MLXIP: variants seen among roughly 807,000 people sequenced by gnomAD.
MLXIP encodes the protein MLX interacting protein, also known as MLX-interacting protein.
MLXIP carries 30 observed loss-of-function variants against 87.2 expected under a neutral mutation model. The observed-to-expected ratio is 0.34, with a 90% confidence interval of 0.26 to 0.47. The LOEUF (loss-of-function observed/expected upper bound fraction) is 0.47. MLXIP is among the 20% of genes least tolerant of loss of function. The probability of loss-of-function intolerance (pLI) is 1.00; values close to 1 mark genes in which losing one functional copy is unlikely to be tolerated. For synonymous variants in MLXIP, 530 were observed against 514.0 expected (o/e 1.03, Z -0.42); for missense variants, 1,002 against 1,240.1 (o/e 0.81, Z 2.88).
chr12:122,135,920 C>A lies in MLXIP; in HGVS notation c.2032+254C>A. The A allele has an allele frequency of 2.2e-6, 1 of 455,956 alleles. No homozygotes were observed. Among genetic ancestry groups the A allele is most frequent in the Non-Finnish European group, 3.9e-6 (1 of 259,350 alleles). The allele number at this position is 455,956 out of a possible 1,614,324, so 28.2% of individuals were successfully genotyped here. On this transcript the variant is annotated intron_variant, in intron 11 of 16. Coordinates refer to ENST00000319080, the MANE Select transcript of MLXIP (RefSeq NM_014938.6). This position sits in a 1 kb window ranked among gnomAD's most constrained non-coding sequence, Gnocchi z 5.3. ...AGGTGACCCGTGTGCTCGGGGAGTC[C>A]CTGCTGACTGCCCACGAAGGCCTGG...
chr12:122,084,005 G>C (rs1952129019), intron 1 of MLXIP, among the ~76,000 whole-genome samples: 1 of 152,178 alleles, frequency 6.6e-6, no homozygotes, highest in Non-Finnish European at 1.5e-5. Context: ...AGCCGGGGCT[G>C]CAGAGATGAA....
In MLXIP at chr12:122,135,582, C is replaced by T; in HGVS notation, c.1948C>T (p.Pro650Ser). ...SPPAPVSRLF[P>S]STAQDPLGKG... ...GCCTGCCCCCGTCTCCCGGCTCTTC[C>T]CAAGCACAGCGCAAGACCCCCTGGG... The change falls in exon 11 of 17, where the codon CCA becomes TCA. Residue 650 changes from proline to serine, a missense_variant. Pro to Ser is a moderately conservative substitution (Grantham distance 74, BLOSUM62 -1). Coordinates refer to ENST00000319080, the MANE Select transcript of MLXIP (RefSeq NM_014938.6). The surrounding 1 kb of genome is among the most constrained non-coding windows in gnomAD (Gnocchi z 5.3). The T allele has an allele frequency of 1.3e-6, 2 of 1,594,250 alleles. No homozygotes were observed. Among genetic ancestry groups the T allele is most frequent in the Non-Finnish European group, 8.5e-7 (1 of 1,171,306 alleles).
Position 122,079,030 on chromosome 12 carries a change from G to C in MLXIP, c.177G>C (p.Pro59=). Residue 59 remains proline, a synonymous_variant, in exon 1 of 17, where the codon CCG becomes CCC. Transcript: ENST00000319080. ...GGGCCCACGCGAGCGCCGCGCCACC[G>C]CCGCCTCGGGCCGGGCCGGGCCGCG... ...PARAHASAAP[P]PPRAGPGREE... 1 of 1,347,948 alleles carries C rather than the reference G, an allele frequency of 7.4e-7. No homozygotes were observed. Among genetic ancestry groups the C allele is most frequent in the Non-Finnish European group, 9.5e-7 (1 of 1,049,108 alleles). 83.5% of individuals were successfully genotyped at this position (1,347,948 alleles called of 1,614,324 possible).
At position 122,135,696 on chromosome 12, in the gene MLXIP, G is replaced by T. The variant is rs757099890; in HGVS notation, c.2032+30G>T. Reference sequence around the variant, plus strand: ...GTGTTCACTCGGCGGGATGGTTGGGGCATCGCAAGGGAAGTAACTGGGCCT... The same window carrying T: ...GTGTTCACTCGGCGGGATGGTTGGGTCATCGCAAGGGAAGTAACTGGGCCT... On this transcript the variant is annotated intron_variant, in intron 11 of 16. Coordinates refer to ENST00000319080, the MANE Select transcript of MLXIP (RefSeq NM_014938.6). The surrounding 1 kb of genome is among the most constrained non-coding windows in gnomAD (Gnocchi z 5.3). The T allele has an allele frequency of 5.3e-5, 77 of 1,460,926 alleles. No homozygotes were observed. The highest frequency in any genetic ancestry group is 3.2e-4 in the South Asian group (22 of 69,706). 90.5% of individuals were successfully genotyped at this position (1,460,926 alleles called of 1,614,324 possible).
intron 1 of MLXIP, among the ~76,000 whole-genome samples, chr12:122,115,869 A>G (rs1368376633): frequency 6.6e-6 from 1 of 152,164 alleles, no homozygotes; most frequent in African/African-American, 2.4e-5. Flanking sequence ...CCTGGCCAAC[A>G]TGGCAAAACC....
chr12:122,090,905 A>T (rs915025583), intron 1 of MLXIP, among the ~76,000 whole-genome samples: 8 of 152,240 alleles, frequency 5.3e-5, no homozygotes, highest in African/African-American at 1.9e-4. Flanking sequence ...AAAGGCCTAG[A>T]GTAGCAAACT....
chr12:122,116,053 A>AACACACACACACACAC lies in MLXIP; in HGVS notation c.414-11183_414-11168dup, dbSNP rs138548664. 4.2e-3 allele frequency among the ~76,000 whole-genome samples: 619 copies of AACACACACACACACAC among 147,308 alleles called. 8 individuals are homozygous for AACACACACACACACAC. Among genetic ancestry groups the AACACACACACACACAC allele is most frequent in the African/African-American group, 0.015 (578 of 39,428 alleles). On this transcript the variant is annotated intron_variant, in intron 1 of 16. Transcript: ENST00000319080. ...GTGACAGAGCGAGACTCCATCTGAA[A>AACACACACACACACAC]ACACACACACACACACACACACACA...
rs1953012920 is a variant in MLXIP at position 122,133,289 on chromosome 12, G to A, written c.1093-59G>A. Reference sequence around the variant, plus strand: ...GTAGTTGGACTTGGCAGTGTGCAGCGCTAGAAAGGAATTGTCTGACCCCAG... The same window carrying A: ...GTAGTTGGACTTGGCAGTGTGCAGCACTAGAAAGGAATTGTCTGACCCCAG... On this transcript the variant is annotated intron_variant, in intron 8 of 16. Coordinates refer to ENST00000319080, the MANE Select transcript of MLXIP (RefSeq NM_014938.6). This position sits in a 1 kb window ranked among gnomAD's most constrained non-coding sequence, Gnocchi z 4.9. 4.0e-6 allele frequency: 6 copies of A among 1,508,720 alleles called. No individual in the cohort carries two copies. Among genetic ancestry groups the A allele is most frequent in the South Asian group, 2.6e-5 (2 of 76,166 alleles). 93.5% of individuals were successfully genotyped at this position (1,508,720 alleles called of 1,614,324 possible). A position where few individuals can be genotyped will look rare whatever the true frequency, so the allele number is the denominator to read the frequency against.
At chr12:122,139,505 GC>G (rs1013530246) in intron 15 of MLXIP, among the ~76,000 whole-genome samples, 2 of 152,188 alleles carry the variant, frequency 1.3e-5, no homozygotes, top group African/African-American at 4.8e-5. Context: ...CCACCGCTCT[GC>G]CTCTGAGTAA....
rs1256468400 is a variant in MLXIP, at chr12:122,127,923, A to G, written c.561A>G (p.Thr187=). The change falls in exon 3 of 17, where the codon ACA becomes ACG. Residue 187 remains threonine, a synonymous_variant. Coordinates refer to ENST00000319080, the MANE Select transcript of MLXIP (RefSeq NM_014938.6). ...KRKNPVCHFV[T]PLDGSVDVDE... ...AGAATCCTGTGTGCCACTTTGTGACACCCCTGGACGGCTCTGTGGACGTAG... is the reference window on the plus strand; with the variant it reads ...AGAATCCTGTGTGCCACTTTGTGACGCCCCTGGACGGCTCTGTGGACGTAG... 1.2e-6 allele frequency: 2 copies of G among 1,613,430 alleles called. No homozygotes were observed. The highest frequency in any genetic ancestry group is 1.7e-6 in the Non-Finnish European group (2 of 1,179,770).
chr12:122,079,009 C>A lies in MLXIP; in HGVS notation c.156C>A (p.Ala52=). 1.6e-6 allele frequency: 2 copies of A among 1,233,474 alleles called. No individual in the cohort carries two copies. The highest frequency in any genetic ancestry group is 2.0e-6 in the Non-Finnish European group (2 of 985,844). The allele number at this position is 1,233,474 out of a possible 1,614,324, so 76.4% of individuals were successfully genotyped here. The stretch of plus-strand genomic sequence containing the variant: ...CCGGCGCGGCCACCCCGGCCCGGGC[C>A]CACGCGAGCGCCGCGCCACCGCCGC... ...PASGAATPAR[A]HASAAPPPPR... is the part of the protein sequence containing the mutation. The change falls in exon 1 of 17, where the codon GCC becomes GCA. Residue 52 remains alanine (A), a synonymous_variant. Coordinates refer to ENST00000319080, the MANE Select transcript of MLXIP (RefSeq NM_014938.6).
At chr12:122,088,357 T>C (rs984912418) in intron 1 of MLXIP, among the ~76,000 whole-genome samples, 1 of 152,126 alleles carries the variant, frequency 6.6e-6, no homozygotes, top group African/African-American at 2.4e-5. Context: ...GCATTGTTGA[T>C]GTATTTGGGA....
At chr12:122,125,201 G>A (rs1227118673) in intron 1 of MLXIP, among the ~76,000 whole-genome samples, 1 of 151,364 alleles carries the variant, frequency 6.6e-6, no homozygotes, top group African/African-American at 2.4e-5. Flanking sequence ...ATGTGGTGGT[G>A]GGCACCTGTA....
chr12:122,135,297 C>T lies in MLXIP; in HGVS notation c.1806C>T (p.Ser602=), dbSNP rs1648598951. Residue 602 remains serine (S), a synonymous_variant, in exon 10 of 17, where the codon TCC becomes TCT. Transcript: ENST00000319080. This position sits in a 1 kb window ranked among gnomAD's most constrained non-coding sequence, Gnocchi z 5.3. ...TGAAGAGAGAAGGGATGTTGGCCTC[C>T]ACCGTGTCCCAGTCCAACGTGGTCA... is the stretch of plus-strand genomic sequence containing the variant. ...GPLKREGMLA[S]TVSQSNVVIA... 6 of 1,613,714 alleles carry T rather than the reference C, an allele frequency of 3.7e-6. No individual in the cohort carries two copies. Among genetic ancestry groups the T allele is most frequent in the Middle Eastern group, 3.3e-4 (2 of 6,062 alleles).
intron 1 of MLXIP, among the ~76,000 whole-genome samples, chr12:122,085,786 C>T (rs1424719192): frequency 2.0e-5 from 3 of 152,036 alleles, no homozygotes; most frequent in Non-Finnish European, 4.4e-5. Flanking sequence ...GGATGGTGTT[C>T]GTATCGTGGC....
In MLXIP at chr12:122,143,854, G is replaced by A. The variant is rs1464084988; in HGVS notation, c.*2042G>A. 1.3e-5 allele frequency: 2 copies of A among 152,484 alleles called. No homozygotes were observed. The highest frequency in any genetic ancestry group is 4.8e-5 in the African/African-American group (2 of 41,440). 9.4% of individuals were successfully genotyped at this position (152,484 alleles called of 1,614,324 possible). On this transcript the variant is annotated 3_prime_UTR_variant, in exon 17 of 17. Transcript: ENST00000319080. ...TCTGCTGACTTAATGTCGTGATTCT[G>A]TTTCTTCAGATATTTAAGGCTGTTA...
chr12:122,088,556 A>G (rs1346402934), intron 1 of MLXIP, among the ~76,000 whole-genome samples: 1 of 152,196 alleles, frequency 6.6e-6, no homozygotes, highest in Non-Finnish European at 1.5e-5. Context: ...GAGGAGTCAG[A>G]AAAAGCTCCT....
chr12:122,096,879 G>T (rs890146089), intron 1 of MLXIP, among the ~76,000 whole-genome samples: 1 of 152,230 alleles, frequency 6.6e-6, no homozygotes, highest in Admixed American at 6.5e-5. Flanking sequence ...CCCCCAGCTG[G>T]CGTGAGCTCT....
At chr12:122,118,585 C>G (rs937085801) in intron 1 of MLXIP, among the ~76,000 whole-genome samples, 1 of 152,116 alleles carries the variant, frequency 6.6e-6, no homozygotes, top group Non-Finnish European at 1.5e-5. Flanking sequence ...CAGTGGCTCA[C>G]GCCTATAATC....
Sources: allele counts gnomAD v4.1 joint callset (sites outside exome capture counted in the v4.1 genomes callset), GRCh38; gene constraint gnomAD v4.1.1; non-coding constraint Gnocchi (gnomAD v3.1); transcripts MANE v1.5; gene names NCBI Gene and HGNC (gene_info 2026-07-23, HGNC 2026-07-21).